ITGAE: variants seen among roughly 807,000 people sequenced by gnomAD.
The protein encoded by ITGAE is integrin subunit alpha E.
In ITGAE, 99 loss-of-function variants were observed where a neutral mutation model predicts 136.5. The ratio of observed to expected loss-of-function variants is 0.73; its 90% CI spans 0.62 to 0.86. The LOEUF (loss-of-function observed/expected upper bound fraction) is 0.86, where lower values mean the gene tolerates loss of function less well. ITGAE is among the 40% of genes least tolerant of loss of function. The pLI is 0.00. For missense variants in ITGAE, 1,447 were observed against 1,515.3 expected (o/e 0.95, Z 0.75); for synonymous variants, 613 against 591.8 (o/e 1.04, Z -0.52).
chr17:3,722,479 TAA>T (rs1161669258), intron 28 of ITGAE: 48 of 106,836 alleles, frequency 4.5e-4, no homozygotes, highest in African/African-American at 5.7e-4. Flanking sequence ...AGACTCCATC[TAA>T]AAAAAAAAAA....
At chr17:3,721,364 TG>T (rs773100471) in intron 28 of ITGAE, among the ~76,000 whole-genome samples, 4 of 138,724 alleles carry the variant, frequency 2.9e-5, no homozygotes, top group Admixed American at 7.7e-5. Context: ...TTCAAATTCC[TG>T]GGCTCAAACG....
At chr17:3,766,168 G>C (rs2052293394) in intron 2 of ITGAE, among the ~76,000 whole-genome samples, 1 of 152,160 alleles carries the variant, frequency 6.6e-6, no homozygotes, top group African/African-American at 2.4e-5. Context: ...CGTTGAGGCA[G>C]GCAGAGGGGA....
intron 13 of ITGAE, 55 bp downstream of exon 13, chr17:3,753,728 G>A (rs1395405781): frequency 2.5e-6 from 4 of 1,600,286 alleles, no homozygotes; most frequent in Non-Finnish European, 2.6e-6. Flanking sequence ...TTTCCCTTGG[G>A]GGCCTCCAGA....
In ITGAE at chr17:3,750,354, GA is replaced by G. The variant is rs768402004; in HGVS notation, c.2021del (p.Phe674SerfsTer9). On this transcript the variant is annotated frameshift_variant, in exon 16 of 31. Coordinates refer to ENST00000263087, the MANE Select transcript of ITGAE (RefSeq NM_002208.5). LOFTEE classifies it high-confidence loss of function. ...CAGAAAGCAGGACAGAACCCTACCG[GA>G]ACACAACCGCCTGGCCCAGAGTGCC... ...TVGTLGQAVV[F>X]RSRPVVRLKV... 1 of 1,613,934 alleles carries G rather than the reference GA, an allele frequency of 6.2e-7. No individual in the cohort carries two copies. Among genetic ancestry groups the G allele is most frequent in the Admixed American group, 1.7e-5 (1 of 60,012 alleles).
At position 3,757,694 on chromosome 17, in the gene ITGAE, C is replaced by T. The variant is rs1262350024; in HGVS notation, c.1020+12G>A. ...CAGGTTCAGGAGGTGTCTCCCGGCT[C>T]CTGGCTCTTACCCCAATGGCAAAGC... On this transcript the variant is annotated intron_variant, in intron 9 of 30. Transcript: ENST00000263087. The T allele has an allele frequency of 1.2e-6, 2 of 1,613,208 alleles. No homozygotes were observed. Among genetic ancestry groups the T allele is most frequent in the South Asian group, 2.2e-5 (2 of 91,048 alleles).
At chr17:3,747,675 C>T (rs2051750415) in intron 17 of ITGAE, among the ~76,000 whole-genome samples, 1 of 152,098 alleles carries the variant, frequency 6.6e-6, no homozygotes, top group South Asian at 2.1e-4. Flanking sequence ...GTCCCTCTTC[C>T]CAACAGTGTC....
At chr17:3,728,395 G>C (rs12944124) in intron 24 of ITGAE, 86,026 of 364,034 alleles carry the variant, frequency 0.24, 14,917 homozygotes, top group South Asian at 0.47. Flanking sequence ...TTTTTTTGAG[G>C]TGGAGTCTTG....
chr17:3,784,544 G>A (rs60607104), intron 1 of ITGAE, among the ~76,000 whole-genome samples: 7,272 of 151,636 alleles, frequency 0.048, 199 homozygotes, highest in African/African-American at 0.074. Context: ...ACAGGCACGC[G>A]CCACCATGCC....
At chr17:3,740,667 C>T (rs527530424) in intron 19 of ITGAE, among the ~76,000 whole-genome samples, 16 of 152,366 alleles carry the variant, frequency 1.1e-4, no homozygotes, top group South Asian at 2.1e-4. Context: ...TGAGCCACCG[C>T]GCCCGGCCTG....
At chr17:3,769,084 C>T (rs1285273020) in intron 2 of ITGAE, among the ~76,000 whole-genome samples, 1 of 152,160 alleles carries the variant, frequency 6.6e-6, no homozygotes, top group African/African-American at 2.4e-5. Flanking sequence ...GCATCTCCTT[C>T]CCTGCTCCCC....
At chr17:3,719,016 G>A (rs2050994337) in intron 29 of ITGAE, among the ~76,000 whole-genome samples, 2 of 152,060 alleles carry the variant, frequency 1.3e-5, no homozygotes, top group Admixed American at 1.3e-4. Flanking sequence ...CAGATCACCT[G>A]AGGTCAGAAG....
intron 12 of ITGAE, 122 bp downstream of exon 12, chr17:3,754,995 C>G: frequency 8.3e-7 from 1 of 1,209,714 alleles, no homozygotes; most frequent in Middle Eastern, 2.9e-4. Flanking sequence ...CCAGGCCCCA[C>G]CCTCGCCCAG....
intron 14 of ITGAE, among the ~76,000 whole-genome samples, chr17:3,752,496 C>T (rs545681548): frequency 1.3e-5 from 2 of 152,340 alleles, no homozygotes; most frequent in African/African-American, 4.8e-5. Context: ...TGACTCACGC[C>T]CATAATCTCA....
chr17:3,731,857 G>T (rs1278672078), intron 22 of ITGAE, among the ~76,000 whole-genome samples: 2 of 151,448 alleles, frequency 1.3e-5, no homozygotes, highest in Non-Finnish European at 2.9e-5. Context: ...TGGATCACTT[G>T]AGGACAGGAG....
chr17:3,714,833 G>C lies in ITGAE; in HGVS notation c.*14C>G, dbSNP rs754589719. On this transcript the variant is annotated 3_prime_UTR_variant, in exon 31 of 31. Coordinates refer to ENST00000263087, the MANE Select transcript of ITGAE (RefSeq NM_002208.5). ...CAGGACTGGCTGATAGCCTCTCCCA[G>C]TGGATAGCAGGTCCTAATTCTCTTC... 6.6e-7 allele frequency: 1 copy of C among 1,525,802 alleles called. No homozygotes were observed. Among genetic ancestry groups the C allele is most frequent in the Non-Finnish European group, 9.1e-7 (1 of 1,101,648 alleles). 94.5% of individuals were successfully genotyped at this position (1,525,802 alleles called of 1,614,324 possible). A position where few individuals can be genotyped will look rare whatever the true frequency, so the allele number is the denominator to read the frequency against.
chr17:3,739,654 T>C, intron 20 of ITGAE, 151 bp downstream of exon 20: 1 of 674,450 alleles, frequency 1.5e-6, no homozygotes, highest in Non-Finnish European at 2.7e-6. Context: ...CTGGGGTAGC[T>C]GAGGACATAT....
At chr17:3,785,557 A>AGG (rs2052772343) in intron 1 of ITGAE, among the ~76,000 whole-genome samples, 4 of 150,652 alleles carry the variant, frequency 2.7e-5, no homozygotes, top group Admixed American at 6.6e-5. Context: ...GAAGGAAGGA[A>AGG]AACTAGAAAA....
At chr17:3,755,764 G>T in intron 11 of ITGAE, 66 bp downstream of exon 11, 3 of 1,432,788 alleles carry the variant, frequency 2.1e-6, no homozygotes, top group South Asian at 1.2e-5. Flanking sequence ...AGGAGTCCCT[G>T]AATCCTAGGT....
chr17:3,721,904 G>A (rs1298386815), intron 28 of ITGAE: 1 of 152,290 alleles, frequency 6.6e-6, no homozygotes, highest in Non-Finnish European at 1.5e-5. Flanking sequence ...AATTAGCCGG[G>A]CGTGGTGGCT....
Sources: allele counts gnomAD v4.1 joint callset (sites outside exome capture counted in the v4.1 genomes callset), GRCh38; gene constraint gnomAD v4.1.1; transcripts MANE v1.5; gene names NCBI Gene and HGNC (gene_info 2026-07-23, HGNC 2026-07-21).